LRRC75A: variants seen among roughly 807,000 people sequenced by gnomAD.
The protein encoded by LRRC75A is leucine rich repeat containing 75A, also known as leucine-rich repeat-containing protein 75A.
LRRC75A carries 12 observed loss-of-function variants against 26.0 expected under a neutral mutation model. The ratio of observed to expected loss-of-function variants is 0.46; its 90% confidence interval spans 0.30 to 0.75. LRRC75A has a LOEUF of 0.75. Ranked by LOEUF, LRRC75A falls within the 30% of genes least tolerant of loss-of-function variation. The probability of loss-of-function intolerance (pLI) is 0.08; values close to 1 mark genes in which losing one functional copy is unlikely to be tolerated. For synonymous variants in LRRC75A, 223 were observed against 219.3 expected, an observed-to-expected ratio of 1.02 and a Z score of -0.15; for missense variants, 410 against 486.6, an observed-to-expected ratio of 0.84 and a Z score of 1.48.
chr17:16,456,744 C>A (rs1289039908), intron 2 of LRRC75A, among the ~76,000 whole-genome samples: 1 of 152,210 alleles, frequency 6.6e-6, no homozygotes, highest in Non-Finnish European at 1.5e-5. Context: ...CCCGTGGGCA[C>A]CACAAGACAC....
At chr17:16,466,991 C>G (rs1229467134) in intron 1 of LRRC75A, among the ~76,000 whole-genome samples, 1 of 151,852 alleles carries the variant, frequency 6.6e-6, no homozygotes, top group Non-Finnish European at 1.5e-5. Context: ...AACAACCTGT[C>G]GCAAGACCCA....
intron 2 of LRRC75A, among the ~76,000 whole-genome samples, chr17:16,449,773 C>G (rs184710767): frequency 2.0e-5 from 3 of 152,210 alleles, no homozygotes; most frequent in African/African-American, 7.2e-5. Context: ...CCCGCCATCA[C>G]ACCTGGCTAG....
chr17:16,491,939 C>A lies in LRRC75A; in HGVS notation c.52G>T (p.Ala18Ser). The stretch of plus-strand genomic sequence containing the variant: ...CGTTCGCGTCGGGGGCCCGGCGCGG[C>A]GCCGGGGCTGGCTCTCTCCGCCAGG... ...GSLAERASPG[A>S]APGPRRERPD... Residue 18 changes from alanine to serine, a missense_variant, in exon 1 of 4, where the codon GCC becomes TCC. By Grantham distance (99) the Ala-to-Ser change is moderately conservative. Coordinates refer to ENST00000470794, the MANE Select transcript of LRRC75A (RefSeq NM_001113567.3). This position sits in a 1 kb window ranked among gnomAD's most constrained non-coding sequence, Gnocchi z 5.9. The A allele has an allele frequency of 8.0e-7, 1 of 1,242,512 alleles. No homozygotes were observed. Among genetic ancestry groups the A allele is most frequent in the Non-Finnish European group, 1.0e-6 (1 of 995,954 alleles). 77.0% of individuals were successfully genotyped at this position (1,242,512 alleles called of 1,614,324 possible).
Position 16,443,718 on chromosome 17 carries a change from C to T in LRRC75A, c.905G>A (p.Gly302Asp), listed in dbSNP as rs1303694451. 4.3e-6 allele frequency: 7 copies of T among 1,613,556 alleles called. No homozygotes were observed. The highest frequency in any genetic ancestry group is 5.9e-6 in the Non-Finnish European group (7 of 1,179,722). ...CTCCTCCCCACTGCCTGGGCCCTCA[C>T]CCAGCTCCAGGATGGTGGGTAGGTG... Reference protein sequence around the residue: ...QGHLPTILELGEGPGSGEEVR... With the variant: ...QGHLPTILELDEGPGSGEEVR... Residue 302 changes from glycine (G) to aspartate (D), a missense_variant, in exon 4 of 4, where the codon GGT becomes GAT. Transcript: ENST00000470794.
intron 3 of LRRC75A, among the ~76,000 whole-genome samples, chr17:16,446,204 C>A (rs2093584129): frequency 1.3e-5 from 2 of 152,208 alleles, no homozygotes; most frequent in Non-Finnish European, 2.9e-5. Flanking sequence ...CCACCGTGCC[C>A]AGCCCATTTG....
chr17:16,472,517 G>T (rs948908375), intron 1 of LRRC75A, among the ~76,000 whole-genome samples: 10 of 152,168 alleles, frequency 6.6e-5, no homozygotes. Flanking sequence ...CCTCAGTGCA[G>T]CAACAAGGCG....
chr17:16,454,446 C>A (rs1477671583), intron 2 of LRRC75A, among the ~76,000 whole-genome samples: 2 of 151,500 alleles, frequency 1.3e-5, no homozygotes, highest in Admixed American at 1.3e-4. Flanking sequence ...AATCCCAGCA[C>A]TTTGGGAGGC....
At chr17:16,454,761 C>T (rs2093663023) in intron 2 of LRRC75A, among the ~76,000 whole-genome samples, 1 of 151,740 alleles carries the variant, frequency 6.6e-6, no homozygotes, top group Non-Finnish European at 1.5e-5. Context: ...AACAAAAAAA[C>T]CTCTTTCCCT....
intron 1 of LRRC75A, among the ~76,000 whole-genome samples, chr17:16,470,115 T>C (rs897075544): frequency 3.9e-5 from 6 of 152,028 alleles, no homozygotes; most frequent in Non-Finnish European, 8.8e-5. Context: ...GTGCTGAGTG[T>C]TTGTCTTTTT....
At position 16,443,643 on chromosome 17, in the gene LRRC75A, G is replaced by A. The variant is rs748728061; in HGVS notation, c.980C>T (p.Ala327Val). The change falls in exon 4 of 4, where the codon GCA (alanine) becomes GTA (valine). Residue 327 changes from alanine (A) to valine (V), a missense_variant. By Grantham distance (64) the Ala-to-Val change is moderately conservative. Coordinates refer to ENST00000470794, the MANE Select transcript of LRRC75A (RefSeq NM_001113567.3). ...GCCCTCATGGTGGTCTTCGGCAGGT[G>A]CCACAGGGCCCCCTCCAGGGTCCTC... Reference protein sequence around the residue: ...GQEDPGGGPVAPAEDHHEGKE... With the variant: ...GQEDPGGGPVVPAEDHHEGKE... The A allele has an allele frequency of 2.6e-6, 4 of 1,556,496 alleles. No individual in the cohort carries two copies. The highest frequency in any genetic ancestry group is 3.5e-6 in the Non-Finnish European group (4 of 1,149,444).
chr17:16,446,531 G>A (rs993443660), intron 3 of LRRC75A, among the ~76,000 whole-genome samples: 7 of 152,202 alleles, frequency 4.6e-5, no homozygotes, highest in Admixed American at 3.9e-4. Context: ...AGGAAGGCCA[G>A]TGTGGCTGGG....
chr17:16,485,676 G>T (rs1601205319), intron 1 of LRRC75A, among the ~76,000 whole-genome samples: 1 of 138,454 alleles, frequency 7.2e-6, no homozygotes, highest in Admixed American at 7.0e-5. Context: ...GTGTTCGTGT[G>T]TGTGTGTGTG....
At chr17:16,444,190 G>T in intron 3 of LRRC75A, 59 bp from the exon 4 acceptor site, 1 of 1,380,244 alleles carries the variant, frequency 7.2e-7, no homozygotes, top group Non-Finnish European at 9.8e-7. Flanking sequence ...TCCCCCAGAA[G>T]CTGCAGTGCC....
Position 16,457,171 on chromosome 17 carries a change from C to T in LRRC75A, c.375+5087G>A, listed in dbSNP as rs114108774. Among the ~76,000 whole-genome samples, 1,251 of 152,300 alleles carry T rather than the reference C, an allele frequency of 8.2e-3. 10 individuals carry two copies. Among genetic ancestry groups the T allele is most frequent in the African/African-American group, 0.029 (1,191 of 41,546 alleles). ...AGGCACCTCTGTAACTGCTCCAGGA[C>T]CCCGACAAGCACAGCCCTCCACTGC... On this transcript the variant is annotated intron_variant, in intron 2 of 3. Transcript: ENST00000470794.
At chr17:16,444,206 C>T in intron 3 of LRRC75A, 75 bp from the exon 4 acceptor site, 2 of 1,240,344 alleles carry the variant, frequency 1.6e-6, no homozygotes, top group South Asian at 3.0e-5. Flanking sequence ...GTGCCAGCCT[C>T]TGCTCGGCTC....
At chr17:16,489,055 C>T (rs988561498) in intron 1 of LRRC75A, among the ~76,000 whole-genome samples, 2 of 152,086 alleles carry the variant, frequency 1.3e-5, no homozygotes, top group Non-Finnish European at 2.9e-5. Flanking sequence ...GTGAACCCTC[C>T]GAAATTGCCT....
chr17:16,462,419 C>T lies in LRRC75A; in HGVS notation c.247-33G>A. On this transcript the variant is annotated intron_variant, in intron 1 of 3. Transcript: ENST00000470794. The surrounding 1 kb of genome is among the most constrained non-coding windows in gnomAD (Gnocchi z 4.6). ...AGCAAAGGATGCCCAGAGGTCAGGG[C>T]TGGCTGCCCACCCAGCTCGCCCACC... 6.2e-7 allele frequency: 1 copy of T among 1,612,292 alleles called. No individual in the cohort carries two copies. The highest frequency in any genetic ancestry group is 8.5e-7 in the Non-Finnish European group (1 of 1,179,616).
intron 3 of LRRC75A, among the ~76,000 whole-genome samples, chr17:16,446,097 C>T (rs2093582694): frequency 6.6e-6 from 1 of 152,140 alleles, no homozygotes; most frequent in Non-Finnish European, 1.5e-5. Context: ...TTAGTAGAGA[C>T]AGGGTTTCAC....
At position 16,442,200 on chromosome 17, in the gene LRRC75A, GC is replaced by G; in HGVS notation, c.*1387del. On this transcript the variant is annotated 3_prime_UTR_variant, in exon 4 of 4. Coordinates refer to ENST00000470794, the MANE Select transcript of LRRC75A (RefSeq NM_001113567.3). ...AGCATTTAAGGCCTCCTCAATTTCG[GC>G]CCCTGCTGCTCTGTGCTCTGTTCCT... is the stretch of plus-strand genomic sequence containing the variant. The G allele has an allele frequency of 6.6e-6, 1 of 152,348 alleles. No individual in the cohort carries two copies. The highest frequency in any genetic ancestry group is 3.4e-3 in the Middle Eastern group (1 of 294). The allele number at this position is 152,348 out of a possible 1,614,324, so 9.4% of individuals were successfully genotyped here.
Sources: allele counts gnomAD v4.1 joint callset (sites outside exome capture counted in the v4.1 genomes callset), GRCh38; gene constraint gnomAD v4.1.1; non-coding constraint Gnocchi (gnomAD v3.1); transcripts MANE v1.5; gene names NCBI Gene and HGNC (gene_info 2026-07-23, HGNC 2026-07-21).